Variants in FBN2 observed in about 807,000 individuals in gnomAD.
FBN2 encodes the protein fibrillin-2.
A neutral mutation model predicts 355.6 loss-of-function variants in FBN2; 105 were observed. The ratio of observed to expected loss-of-function variants is 0.30; its 90% CI spans 0.25 to 0.35. FBN2 has a LOEUF of 0.35. Ranked by LOEUF, FBN2 falls within the 10% of genes least tolerant of loss-of-function variation. The pLI is 1.00. For missense variants in FBN2, 3,280 were observed against 3,758.7 expected, an observed-to-expected ratio of 0.87 and a Z score of 3.33; for synonymous variants, 1,350 against 1,301.2, an observed-to-expected ratio of 1.04 and a Z score of -0.81.
intron 40 of FBN2, 80 bp from the exon 41 acceptor site, chr5:128,309,479 A>C: frequency 8.0e-7 from 1 of 1,244,820 alleles, no homozygotes; most frequent in South Asian, 1.2e-5. Context: ...TGTAGACATC[A>C]AGCTTTCCTG....
At position 128,405,032 on chromosome 5, in the gene FBN2, G is replaced by A. The variant is rs375487867; in HGVS notation, c.1078+3642C>T. Among the ~76,000 whole-genome samples the A allele has an allele frequency of 9.9e-5, 15 of 152,054 alleles. No individual in the cohort carries two copies. The East Asian group carries it at 2.1e-3, about 22-fold the overall frequency. ...ACTAAAAATACAAACATTAGCCAGC[G>A]TAGTGGTGGGTGCCTGTAATCCCAG... On this transcript the variant is annotated intron_variant, in intron 8 of 64. Coordinates refer to ENST00000262464, the MANE Select transcript of FBN2 (RefSeq NM_001999.4).
chr5:128,314,690 T>C (rs560065461), intron 36 of FBN2, among the ~76,000 whole-genome samples: 1 of 152,200 alleles, frequency 6.6e-6, no homozygotes, highest in African/African-American at 2.4e-5. Context: ...CTTTTATTCC[T>C]ATTCTTCATT....
chr5:128,273,812 T>TA, intron 61 of FBN2, 28 bp downstream of exon 61: 1 of 1,608,680 alleles, frequency 6.2e-7, no homozygotes, highest in Non-Finnish European at 8.5e-7. Context: ...TGTTATTAGA[T>TA]TAAGAATTTT....
At chr5:128,274,292 G>T (rs910319788) in intron 60 of FBN2, among the ~76,000 whole-genome samples, 1 of 152,110 alleles carries the variant, frequency 6.6e-6, no homozygotes, top group Non-Finnish European at 1.5e-5. Context: ...ATCATATTTT[G>T]TCTGAACACC....
chr5:128,394,845 G>A (rs566469630), intron 9 of FBN2, among the ~76,000 whole-genome samples: 1 of 152,178 alleles, frequency 6.6e-6, no homozygotes, highest in South Asian at 2.1e-4. Context: ...GAGTGCAGTG[G>A]CATGATCATG....
intron 56 of FBN2, 95 bp from the exon 57 acceptor site, chr5:128,278,936 T>G: frequency 1.0e-6 from 1 of 969,842 alleles, no homozygotes; most frequent in Non-Finnish European, 1.6e-6. Flanking sequence ...ATTTCCTCCT[T>G]AGGAATAATT....
At position 128,379,014 on chromosome 5, in the gene FBN2, G is replaced by A. The variant is rs916609494; in HGVS notation, c.1604-124C>T. ...CAGTGGTAATAGTCTAAATAGCGAA[G>A]TATTTATAAATGAATGAAAATTCCT... is the stretch of plus-strand genomic sequence containing the variant. On this transcript the variant is annotated intron_variant, in intron 11 of 64. Coordinates refer to ENST00000262464, the MANE Select transcript of FBN2 (RefSeq NM_001999.4). 6 of 1,051,022 alleles carry A rather than the reference G, an allele frequency of 5.7e-6. No individual in the cohort carries two copies. In the African/African-American group the frequency reaches 9.4e-5, roughly 16 times the overall value. 65.1% of individuals were successfully genotyped at this position (1,051,022 alleles called of 1,614,324 possible). A position where few individuals can be genotyped will look rare whatever the true frequency, so the allele number is the denominator to read the frequency against.
In FBN2 at chr5:128,259,670, C is replaced by T. The variant is rs1282654100; in HGVS notation, c.8524G>A (p.Asp2842Asn). 6.2e-7 allele frequency: 1 copy of T among 1,614,010 alleles called. No individual in the cohort carries two copies. Among genetic ancestry groups the T allele is most frequent in the Admixed American group, 1.7e-5 (1 of 59,996 alleles). The part of the protein sequence containing the change: ...IRYVISQGND[D>N]SVFRIHQRNG... ...CTTTGGTGGATGCGGAAGACGCTGT[C>T]ATCGTTCCCTTGAGAGATGACATAA... Residue 2842 changes from aspartate to asparagine, a missense_variant, in exon 65 of 65, where the codon GAC (aspartate) becomes AAC (asparagine). This residue lies in a region of FBN2 where 311 missense variants were observed against 319.1 expected (regional missense o/e 0.97). Coordinates refer to ENST00000262464, the MANE Select transcript of FBN2 (RefSeq NM_001999.4).
rs371951328 is a variant in FBN2 at position 128,338,384 on chromosome 5, T to C, written c.3473-262A>G. ...TCACAAGGGGTAGAAATACATAATA[T>C]TTGCTTTATATCACCACGGACTCAT... On this transcript the variant is annotated intron_variant, in intron 26 of 64. Coordinates refer to ENST00000262464, the MANE Select transcript of FBN2 (RefSeq NM_001999.4). Among the ~76,000 whole-genome samples the C allele has an allele frequency of 1.1e-4, 17 of 152,300 alleles. No homozygotes were observed. The South Asian group carries it at 3.3e-3, about 30-fold the overall frequency.
intron 5 of FBN2, among the ~76,000 whole-genome samples, chr5:128,479,958 CTCTCTCTCTCTCTCTCTCTA>C (rs1755112817): frequency 2.8e-5 from 1 of 36,286 alleles, no homozygotes; most frequent in Non-Finnish European, 5.4e-5. Flanking sequence ...CTCTCTCTCT[CTCTCTCTCTCTCTCTCTCTA>C]TATATATATA....
At chr5:128,274,520 C>T (rs750193242) in intron 60 of FBN2, 47 bp downstream of exon 60, 2 of 931,418 alleles carry the variant, frequency 2.1e-6, no homozygotes, top group East Asian at 2.4e-5. Flanking sequence ...AATTTTTATG[C>T]ATCTACTAGA....
At chr5:128,330,526 T>G in intron 33 of FBN2, 47 bp downstream of exon 33, 1 of 1,607,184 alleles carries the variant, frequency 6.2e-7, no homozygotes, top group Non-Finnish European at 8.5e-7. Context: ...GCATATAGAG[T>G]GTTCTATGAC....
chr5:128,374,634 A>G lies in FBN2; in HGVS notation c.2089T>C (p.Cys697Arg). 6.2e-7 allele frequency: 1 copy of G among 1,613,926 alleles called. No homozygotes were observed. Among genetic ancestry groups the G allele is most frequent in the Non-Finnish European group, 8.5e-7 (1 of 1,179,902 alleles). The change falls in exon 15 of 65, where the codon TGT becomes CGT. Residue 697 changes from cysteine (C) to arginine (R), a missense_variant. Around this residue, in one of 6 missense-constraint regions of FBN2, gnomAD observed 2,284 missense variants for 2,749.5 expected, o/e 0.83. Coordinates refer to ENST00000262464, the MANE Select transcript of FBN2 (RefSeq NM_001999.4). ...GLAVGMDGRV[C>R]VDTHMRSTCY... Reference sequence around the variant, plus strand: ...TATAAAATGTTTCACTTACCAACACACACACGTCCATCCATGCCCACAGCC... The same window carrying G: ...TATAAAATGTTTCACTTACCAACACGCACACGTCCATCCATGCCCACAGCC...
At chr5:128,284,403 T>C (rs1177641986) in intron 55 of FBN2, among the ~76,000 whole-genome samples, 3 of 152,214 alleles carry the variant, frequency 2.0e-5, no homozygotes, top group African/African-American at 7.2e-5. Flanking sequence ...GTAACACTTT[T>C]AGCATAAAAC....
chr5:128,325,015 T>C (rs967526088), intron 34 of FBN2, among the ~76,000 whole-genome samples: 16 of 152,158 alleles, frequency 1.1e-4, no homozygotes, highest in African/African-American at 3.9e-4. Flanking sequence ...TGCTGAGGAG[T>C]GTTTTACTTT....
intron 7 of FBN2, among the ~76,000 whole-genome samples, chr5:128,435,126 C>T (rs755493684): frequency 6.6e-6 from 1 of 152,112 alleles, no homozygotes; most frequent in Non-Finnish European, 1.5e-5. Context: ...AATTTCCTGA[C>T]CACTGTCTTA....
intron 16 of FBN2, among the ~76,000 whole-genome samples, chr5:128,368,180 T>G (rs1191175846): frequency 6.6e-6 from 1 of 152,138 alleles, no homozygotes; most frequent in Non-Finnish European, 1.5e-5. Context: ...TTTGCCTGCC[T>G]GTATTCTCAA....
intron 6 of FBN2, among the ~76,000 whole-genome samples, chr5:128,454,041 G>A (rs902892991): frequency 6.6e-6 from 1 of 150,716 alleles, no homozygotes; most frequent in Non-Finnish European, 1.5e-5. Flanking sequence ...GTGAGGTTCT[G>A]AAGTAGATCT....
intron 6 of FBN2, among the ~76,000 whole-genome samples, chr5:128,464,382 G>T (rs1314788726): frequency 1.3e-5 from 2 of 152,094 alleles, no homozygotes; most frequent in Non-Finnish European, 2.9e-5. Flanking sequence ...GAAAAAATAG[G>T]TTTTTCCTGG....
Sources: gnomAD v4.1 joint callset for allele counts (sites outside exome capture counted in the v4.1 genomes callset) on GRCh38, gnomAD v4.1.1 for gene constraint, gnomAD v4.1.1 regional missense constraint, MANE v1.5 for transcripts, NCBI Gene and HGNC (gene_info 2026-07-23, HGNC 2026-07-21) for gene names.